The following DAB1 variants were observed in gnomAD, a reference collection of about 807,000 sequenced individuals.
DAB1 encodes the protein DAB adaptor protein 1.
DAB1 carries 15 observed loss-of-function variants against 64.6 expected under a neutral mutation model. That is an observed-to-expected ratio of 0.23 (90% confidence interval 0.16 to 0.36). The LOEUF (loss-of-function observed/expected upper bound fraction) is 0.36. Ranked by LOEUF, DAB1 falls within the 10% of genes least tolerant of loss-of-function variation. DAB1 has a pLI of 1.00. For missense variants in DAB1, 596 were observed against 706.7 expected, an observed-to-expected ratio of 0.84 and a Z score of 1.78; for synonymous variants, 235 against 251.9, an observed-to-expected ratio of 0.93 and a Z score of 0.64.
intron 2 of DAB1, among the ~76,000 whole-genome samples, chr1:57,198,649 T>TCACACACACACACACACACACACACACA (rs57872654): frequency 7.8e-6 from 1 of 128,264 alleles, no homozygotes; most frequent in African/African-American, 3.0e-5. Context: ...CTTCTCTCTC[T>TCACACACACACACACACACACACACACA]CACACACACA....
chr1:57,428,180 A>G (rs1685362133), upstream of DAB1, among the ~76,000 whole-genome samples: 1 of 152,186 alleles, frequency 6.6e-6, no homozygotes, highest in East Asian at 1.9e-4. Context: ...GAAAAAAAAA[A>G]GATCTACTCT....
chr1:57,324,049 T>C (rs1055343937), intron 1 of DAB1, among the ~76,000 whole-genome samples: 1 of 152,220 alleles, frequency 6.6e-6, no homozygotes, highest in Non-Finnish European at 1.5e-5. Flanking sequence ...AGAGCTAAGA[T>C]ACAGAAAACT....
chr1:57,704,465 A>G (rs528263736), intron 6 of DAB1, among the ~76,000 whole-genome samples: 35 of 152,264 alleles, frequency 2.3e-4, no homozygotes, highest in Non-Finnish European at 4.3e-4. Context: ...AGTTTTAATA[A>G]TGGTTTATTC....
chr1:58,210,468 C>A (rs529326882), intron 4 of DAB1, among the ~76,000 whole-genome samples: 7 of 152,214 alleles, frequency 4.6e-5, no homozygotes, highest in Non-Finnish European at 1.0e-4. Flanking sequence ...CTACCCCCAA[C>A]ACACAAGTGA....
intron 4 of DAB1, among the ~76,000 whole-genome samples, chr1:58,316,816 A>C (rs1027318021): frequency 3.9e-5 from 6 of 152,198 alleles, no homozygotes; most frequent in Non-Finnish European, 7.3e-5. Context: ...CCAGTACCTC[A>C]CACTGGCATT....
chr1:57,300,173 T>C (rs925001268), intron 1 of DAB1, among the ~76,000 whole-genome samples: 3 of 152,198 alleles, frequency 2.0e-5, no homozygotes, highest in Admixed American at 2.0e-4. Flanking sequence ...AATTCACTGA[T>C]TCATTGAACA....
At chr1:58,320,655 T>G (rs1662659322) in intron 4 of DAB1, among the ~76,000 whole-genome samples, 1 of 152,224 alleles carries the variant, frequency 6.6e-6, no homozygotes, top group Admixed American at 6.5e-5. Flanking sequence ...TCAACTTCTC[T>G]AGGGCCCTTA....
chr1:58,335,524 G>A (rs1223574403), intron 4 of DAB1, among the ~76,000 whole-genome samples: 1 of 144,606 alleles, frequency 6.9e-6, no homozygotes, highest in Admixed American at 6.9e-5. Flanking sequence ...ACAAATTGCA[G>A]TCTTTGCGAA....
intron 1 of DAB1, among the ~76,000 whole-genome samples, chr1:58,545,490 T>C (rs1230288996): frequency 7.1e-6 from 1 of 141,768 alleles, no homozygotes; most frequent in Non-Finnish European, 1.5e-5. Flanking sequence ...AGCCAATCAC[T>C]AGACTACAGA....
At chr1:57,830,724 A>G (rs1183259938) in intron 1 of DAB1, among the ~76,000 whole-genome samples, 1 of 152,124 alleles carries the variant, frequency 6.6e-6, no homozygotes, top group Non-Finnish European at 1.5e-5. Context: ...TCTCTAACTG[A>G]TAAGACCGAT....
intron 7 of DAB1, among the ~76,000 whole-genome samples, chr1:57,488,861 C>A (rs927241299): frequency 1.3e-5 from 2 of 151,954 alleles, no homozygotes; most frequent in Non-Finnish European, 2.9e-5. Context: ...ATAATAATAT[C>A]GATTTTGAAG....
intron 2 of DAB1, among the ~76,000 whole-genome samples, chr1:57,146,659 A>G (rs1659168926): frequency 6.6e-6 from 1 of 152,174 alleles, no homozygotes. Context: ...CTTTCATTTC[A>G]TTCATTTATT....
chr1:58,503,251 G>A (rs1375835456), intron 3 of DAB1, among the ~76,000 whole-genome samples: 2 of 152,114 alleles, frequency 1.3e-5, no homozygotes, highest in Admixed American at 1.3e-4. Context: ...GACAGGCCCA[G>A]GCCTCCCAGG....
chr1:58,054,860 C>T (rs1199444807), intron 5 of DAB1, among the ~76,000 whole-genome samples: 2 of 152,098 alleles, frequency 1.3e-5, no homozygotes, highest in African/African-American at 2.4e-5. Flanking sequence ...CAGGAGAGGA[C>T]GAAGATGAGA....
At chr1:57,695,916 A>G (rs1030079800) in intron 6 of DAB1, among the ~76,000 whole-genome samples, 1 of 152,158 alleles carries the variant, frequency 6.6e-6, no homozygotes, top group East Asian at 1.9e-4. Flanking sequence ...AAACAAAAAA[A>G]GGCAAATGGA....
At chr1:57,588,039 T>C (rs1206731448) in intron 7 of DAB1, among the ~76,000 whole-genome samples, 1 of 152,242 alleles carries the variant, frequency 6.6e-6, no homozygotes, top group African/African-American at 2.4e-5. Flanking sequence ...TCTTTCTCTG[T>C]CCCTCTCCCC....
At chr1:57,274,886 T>G (rs1014878686) in intron 2 of DAB1, among the ~76,000 whole-genome samples, 1 of 29,158 alleles carries the variant, frequency 3.4e-5, no homozygotes, top group Non-Finnish European at 5.4e-5. Context: ...TCAGCCAAAT[T>G]TTTTTTTTTT....
chr1:57,689,850 A>G (rs1158576846), intron 6 of DAB1, among the ~76,000 whole-genome samples: 1 of 152,108 alleles, frequency 6.6e-6, no homozygotes, highest in Non-Finnish European at 1.5e-5. Flanking sequence ...ATACTAGGTC[A>G]TATTCATTCC....
At chr1:57,558,095 G>A (rs564730793) in intron 7 of DAB1, among the ~76,000 whole-genome samples, 6 of 152,282 alleles carry the variant, frequency 3.9e-5, no homozygotes, top group African/African-American at 1.4e-4. Flanking sequence ...AGAATGGGAC[G>A]CTGAAACTTG....
Sources: gnomAD v4.1 joint callset for allele counts (sites outside exome capture counted in the v4.1 genomes callset) on GRCh38, gnomAD v4.1.1 for gene constraint, MANE v1.5 for transcripts, NCBI Gene and HGNC (gene_info 2026-07-23, HGNC 2026-07-21) for gene names.